DDX42: variants seen among roughly 807,000 people sequenced by gnomAD.
DDX42 encodes DEAD-box helicase 42.
In DDX42, 22 loss-of-function variants were observed where a neutral mutation model predicts 101.5. The observed-to-expected ratio is 0.22, with a 90% CI of 0.15 to 0.31. The LOEUF is 0.31. Among genes scored for constraint, DDX42 ranks in the 10% least tolerant of loss-of-function variants. The pLI is 1.00. For synonymous variants in DDX42, 402 were observed against 401.2 expected, an observed-to-expected ratio of 1.00 and a Z score of -0.02; for missense variants, 849 against 1,199.9, an observed-to-expected ratio of 0.71 and a Z score of 4.32.
In DDX42 at chr17:63,808,937, G is replaced by T; in HGVS notation, c.1141G>T (p.Val381Leu). The T allele has an allele frequency of 6.2e-7, 1 of 1,613,924 alleles. No individual in the cohort carries two copies. The highest frequency in any genetic ancestry group is 8.5e-7 in the Non-Finnish European group (1 of 1,179,870). Residue 381 changes from valine (V) to leucine (L), a missense_variant, in exon 10 of 18, where the codon GTG (valine) becomes TTG (leucine). Transcript: ENST00000389924. ...KALQEGAEIVVCTPGRLIDHV... is the reference protein window; with the variant it reads ...KALQEGAEIVLCTPGRLIDHV... ...CCTTCAGGAGGGGGCAGAGATTGTT[G>T]TGTGTACCCCAGTAAGTATGCCTTG...
At chr17:63,785,602 T>TAAAAAAAA (rs35420075) in intron 1 of DDX42, among the ~76,000 whole-genome samples, 1 of 140,170 alleles carries the variant, frequency 7.1e-6, no homozygotes, top group Non-Finnish European at 1.5e-5. Context: ...CCCTGTTCCT[T>TAAAAAAAA]AAAAAAAAAA....
chr17:63,813,860 G>A (rs1250681332), intron 15 of DDX42, among the ~76,000 whole-genome samples: 11 of 150,380 alleles, frequency 7.3e-5, no homozygotes, highest in Admixed American at 7.3e-4. Flanking sequence ...TTTTTTTTGA[G>A]ACAGAATCTC....
In DDX42 at chr17:63,787,888, TTTATA is replaced by T. The variant is rs2039566516; in HGVS notation, c.221+620_221+624del. ...TGAAACATAAATATGGCTGAAGAGT[TTTATA>T]TAATTCATGTGGTTTTTTTTTTTTT... On this transcript the variant is annotated intron_variant, in intron 2 of 17. Coordinates refer to ENST00000389924, the MANE Select transcript of DDX42 (RefSeq NM_203499.3). Among the ~76,000 whole-genome samples the T allele has an allele frequency of 2.0e-5, 3 of 148,152 alleles. No homozygotes were observed. In the South Asian group the frequency reaches 6.3e-4, roughly 31 times the overall value.
In DDX42 at chr17:63,817,831, C is replaced by T; in HGVS notation, c.2250C>T (p.Asn750=). The T allele has an allele frequency of 6.2e-7, 1 of 1,614,206 alleles. No homozygotes were observed. The highest frequency in any genetic ancestry group is 1.1e-5 in the South Asian group (1 of 91,080). The part of the protein sequence containing the change: ...VPTNSAQQGH[N]SPDSPVTSAA... ...CTAACTCAGCACAACAGGGCCATAA[C>T]AGTCCTGACAGCCCCGTCACCAGTG... Residue 750 remains asparagine, a synonymous_variant, in exon 18 of 18, where the codon AAC becomes AAT. Transcript: ENST00000389924.
At chr17:63,793,377 C>T (rs541405956) in intron 3 of DDX42, among the ~76,000 whole-genome samples, 2 of 152,056 alleles carry the variant, frequency 1.3e-5, no homozygotes, top group East Asian at 1.9e-4. Context: ...AAATGATCCT[C>T]CTGCCTCAGC....
At chr17:63,794,040 C>G (rs2039662090) in intron 3 of DDX42, among the ~76,000 whole-genome samples, 1 of 151,826 alleles carries the variant, frequency 6.6e-6, no homozygotes, top group Admixed American at 6.6e-5. Flanking sequence ...GCTGCCTTTC[C>G]TCTTCTCATT....
chr17:63,815,755 G>A (rs1425992160), intron 16 of DDX42, 82 bp downstream of exon 16: 3 of 968,700 alleles, frequency 3.1e-6, no homozygotes, highest in East Asian at 2.6e-5. Context: ...ATCTACCCAG[G>A]AAAGCCTCAG....
chr17:63,795,182 A>G (rs2039678613), intron 3 of DDX42, among the ~76,000 whole-genome samples: 1 of 152,196 alleles, frequency 6.6e-6, no homozygotes. Context: ...AGATCTGGCA[A>G]TATACTAAGT....
chr17:63,813,013 G>C (rs971065178), intron 14 of DDX42, among the ~76,000 whole-genome samples: 6 of 152,292 alleles, frequency 3.9e-5, no homozygotes, highest in African/African-American at 1.4e-4. Context: ...AACAGAGCAA[G>C]ACTCCGTCTC....
intron 1 of DDX42, among the ~76,000 whole-genome samples, chr17:63,782,778 T>C (rs1261166251): frequency 6.6e-6 from 1 of 152,222 alleles, no homozygotes; most frequent in African/African-American, 2.4e-5. Flanking sequence ...TCTCTCATTC[T>C]GTCTTTCAAA....
intron 3 of DDX42, among the ~76,000 whole-genome samples, chr17:63,794,186 A>G (rs1453441940): frequency 2.0e-5 from 3 of 152,108 alleles, no homozygotes; most frequent in African/African-American, 4.8e-5. Context: ...TAGGTAGTAT[A>G]CAGCTACAGG....
In DDX42 at chr17:63,816,943, A is replaced by G. The variant is rs2039983700; in HGVS notation, c.2089A>G (p.Thr697Ala). ...CACAGGAGCTATGGGAGATCGACTA[A>G]CGGCAATGAAAGCAGCTTTCCAGGT... The part of the protein sequence containing the change: ...PSTGAMGDRL[T>A]AMKAAFQSQY... Residue 697 changes from threonine to alanine, a missense_variant, in exon 17 of 18, where the codon ACG becomes GCG. Thr to Ala is a moderately conservative substitution (Grantham distance 58). Coordinates refer to ENST00000389924, the MANE Select transcript of DDX42 (RefSeq NM_203499.3). 1.2e-6 allele frequency: 2 copies of G among 1,614,014 alleles called. No individual in the cohort carries two copies. The highest frequency in any genetic ancestry group is 1.7e-6 in the Non-Finnish European group (2 of 1,179,946).
chr17:63,808,693 G>GT, intron 9 of DDX42, 127 bp from the exon 10 acceptor site: 1 of 1,049,378 alleles, frequency 9.5e-7, no homozygotes, highest in Non-Finnish European at 1.4e-6. Context: ...TAAAATCGTG[G>GT]TTTTAAAGTA....
chr17:63,781,340 C>G (rs1323545165), intron 1 of DDX42, among the ~76,000 whole-genome samples: 1 of 152,104 alleles, frequency 6.6e-6, no homozygotes, highest in East Asian at 1.9e-4. Context: ...GCCTCAGCCT[C>G]CTGAGTAGCC....
At chr17:63,814,657 C>T (rs190798698) in intron 15 of DDX42, among the ~76,000 whole-genome samples, 1 of 149,466 alleles carries the variant, frequency 6.7e-6, no homozygotes, top group African/African-American at 2.5e-5. Context: ...AAAACTTTAA[C>T]CTTCCCAGAG....
intron 2 of DDX42, among the ~76,000 whole-genome samples, chr17:63,791,573 A>G (rs1278717090): frequency 6.6e-6 from 1 of 152,170 alleles, no homozygotes; most frequent in African/African-American, 2.4e-5. Flanking sequence ...GGCCTCCCAA[A>G]GTGCTGGGAT....
chr17:63,800,365 T>C, intron 5 of DDX42, 103 bp from the exon 6 acceptor site: 1 of 1,087,318 alleles, frequency 9.2e-7, no homozygotes, highest in Admixed American at 2.4e-5. Flanking sequence ...TTGGTAGGTA[T>C]GTTAACTGTG....
intron 1 of DDX42, among the ~76,000 whole-genome samples, chr17:63,780,493 C>T (rs984997205): frequency 6.6e-6 from 1 of 152,060 alleles, no homozygotes; most frequent in Non-Finnish European, 1.5e-5. Flanking sequence ...ATTCATACAG[C>T]AAAATTTTTT....
chr17:63,784,916 T>C (rs192075841), intron 1 of DDX42, among the ~76,000 whole-genome samples: 86 of 152,362 alleles, frequency 5.6e-4, no homozygotes, highest in African/African-American at 1.8e-3. Context: ...ACCAGTATTA[T>C]ACTGTCAAGT....
Sources: gnomAD v4.1 joint callset for allele counts (sites outside exome capture counted in the v4.1 genomes callset) on GRCh38, gnomAD v4.1.1 for gene constraint, MANE v1.5 for transcripts, NCBI Gene and HGNC (gene_info 2026-07-23, HGNC 2026-07-21) for gene names.